WNT3A: variants seen among roughly 807,000 people sequenced by gnomAD.
WNT3A encodes the protein Wnt family member 3A, also known as protein Wnt-3a.
A neutral mutation model predicts 37.0 loss-of-function variants in WNT3A; 17 were observed. The observed-to-expected ratio is 0.46, with a 90% confidence interval of 0.31 to 0.69. The LOEUF (loss-of-function observed/expected upper bound fraction) is 0.69, where lower values mean the gene tolerates loss of function less well. Among genes scored for constraint, WNT3A ranks in the 30% least tolerant of loss-of-function variants. The pLI is 0.05. For missense variants in WNT3A, 411 were observed against 510.2 expected (o/e 0.81, Z 1.87); for synonymous variants, 187 against 211.0 (o/e 0.89, Z 0.99).
rs533085151 is a variant in WNT3A at position 228,039,667 on chromosome 1, A to G, written c.314-10989A>G. On this transcript the variant is annotated intron_variant, in intron 2 of 3. Coordinates refer to ENST00000284523, the MANE Select transcript of WNT3A (RefSeq NM_033131.4). The surrounding 1 kb of genome is among the most constrained non-coding windows in gnomAD (Gnocchi z 4.1). ...AGAATCACTGGAGACCCTTTAAGAT[A>G]TAGGTGCCCCCCACCCCAGTTGAAC... Among the ~76,000 whole-genome samples, 12 of 152,272 alleles carry G rather than the reference A, an allele frequency of 7.9e-5. No homozygotes were observed. The highest frequency in any genetic ancestry group is 2.6e-4 in the African/African-American group (11 of 41,558).
chr1:228,024,885 G>A (rs1000380136), intron 2 of WNT3A, among the ~76,000 whole-genome samples: 12 of 152,072 alleles, frequency 7.9e-5, no homozygotes, highest in African/African-American at 2.9e-4. Flanking sequence ...TACCTTCTAT[G>A]GAAAAAACTG....
At chr1:228,030,027 A>G (rs992599917) in intron 2 of WNT3A, among the ~76,000 whole-genome samples, 2 of 152,194 alleles carry the variant, frequency 1.3e-5, no homozygotes, top group African/African-American at 2.4e-5. Flanking sequence ...TGAGGCTACA[A>G]TGAGCCATGA....
chr1:228,059,313 G>T lies in WNT3A; in HGVS notation c.907G>T (p.Gly303Cys). 2 of 1,577,982 alleles carry T rather than the reference G, an allele frequency of 1.3e-6. No individual in the cohort carries two copies. Among genetic ancestry groups the T allele is most frequent in the South Asian group, 1.1e-5 (1 of 88,100 alleles). The change falls in exon 4 of 4, where the codon GGC becomes TGC. Residue 303 changes from glycine (G) to cysteine (C), a missense_variant. Transcript: ENST00000284523. ...RDRTCNVSSH[G>C]IDGCDLLCCG... ...CCGCACCTGCAACGTCAGCTCGCAC[G>T]GCATCGACGGCTGCGACCTGCTGTG...
intron 1 of WNT3A, among the ~76,000 whole-genome samples, chr1:228,021,040 T>C (rs773083301): frequency 9.9e-5 from 15 of 152,204 alleles, no homozygotes; most frequent in Admixed American, 1.3e-4. Flanking sequence ...AATTGAGGTG[T>C]ATTTTGTACA....
In WNT3A at chr1:228,031,119, C is replaced by T. The variant is rs1416300162; in HGVS notation, c.313+8211C>T. ...GCCCTCATCACGGGCCTGTGTTCTT[C>T]AGGCGTGGGGAAGGCACCGTGGGGC... On this transcript the variant is annotated intron_variant, in intron 2 of 3. Transcript: ENST00000284523. The surrounding 1 kb of genome is among the most constrained non-coding windows in gnomAD (Gnocchi z 4.8). Among the ~76,000 whole-genome samples the T allele has an allele frequency of 6.6e-6, 1 of 152,198 alleles. No individual in the cohort carries two copies. Among genetic ancestry groups the T allele is most frequent in the Admixed American group, 6.5e-5 (1 of 15,288 alleles).
intron 2 of WNT3A, among the ~76,000 whole-genome samples, chr1:228,034,308 T>G (rs1398207012): frequency 2.0e-5 from 3 of 152,152 alleles, no homozygotes; most frequent in Non-Finnish European, 4.4e-5. Flanking sequence ...ACACAAATGA[T>G]TTTTAATATA....
intron 1 of WNT3A, among the ~76,000 whole-genome samples, chr1:228,018,830 C>T (rs913675035): frequency 1.3e-5 from 2 of 152,242 alleles, no homozygotes; most frequent in African/African-American, 4.8e-5. Flanking sequence ...GCCAGCTTTC[C>T]ACCCTCCTCA....
In WNT3A at chr1:228,008,649, A is replaced by T. The variant is rs1332329315; in HGVS notation, c.71+1450A>T. On this transcript the variant is annotated intron_variant, in intron 1 of 3. Transcript: ENST00000284523. The surrounding 1 kb of genome is among the most constrained non-coding windows in gnomAD (Gnocchi z 4.9). ...TACTGACGCGCGTCCAGACGGCCGC[A>T]GGGAGCCAGGGGCAGCGCGTCCGTC... 6.6e-6 allele frequency among the ~76,000 whole-genome samples: 1 copy of T among 152,096 alleles called. No homozygotes were observed. Among genetic ancestry groups the T allele is most frequent in the Non-Finnish European group, 1.5e-5 (1 of 67,988 alleles).
At chr1:228,040,547 G>A (rs1321429173) in intron 2 of WNT3A, among the ~76,000 whole-genome samples, 3 of 152,124 alleles carry the variant, frequency 2.0e-5, no homozygotes, top group Non-Finnish European at 2.9e-5. Flanking sequence ...TGAAAGACAA[G>A]GATTTTGGAA....
rs759291462 is a variant in WNT3A at position 228,058,982 on chromosome 1, G to T, written c.580-4G>T. ...TGACGCTGGCTCCTGCGCGTGCCCCGCAGGCCATCGCCAGCCACATGCACC... is the reference window on the plus strand; with the variant it reads ...TGACGCTGGCTCCTGCGCGTGCCCCTCAGGCCATCGCCAGCCACATGCACC... On this transcript the variant is annotated splice_polypyrimidine_tract_variant and splice_region_variant and intron_variant, in intron 3 of 3. Coordinates refer to ENST00000284523, the MANE Select transcript of WNT3A (RefSeq NM_033131.4). The T allele has an allele frequency of 1.2e-6, 2 of 1,605,216 alleles. No individual in the cohort carries two copies. Among genetic ancestry groups the T allele is most frequent in the African/African-American group, 1.3e-5 (1 of 74,810 alleles).
intron 2 of WNT3A, among the ~76,000 whole-genome samples, chr1:228,044,108 A>C (rs2031348096): frequency 6.6e-6 from 1 of 152,136 alleles, no homozygotes; most frequent in Non-Finnish European, 1.5e-5. Flanking sequence ...CAGCGTCCCA[A>C]GTAGCTAGGA....
At chr1:228,014,426 G>A (rs985872062) in intron 1 of WNT3A, among the ~76,000 whole-genome samples, 4 of 152,204 alleles carry the variant, frequency 2.6e-5, no homozygotes, top group Admixed American at 6.5e-5. Context: ...GCACAGAGCC[G>A]TGCCCTTGGT....
intron 1 of WNT3A, 46 bp from the exon 2 acceptor site, chr1:228,022,621 T>A (rs1293841349): frequency 6.3e-7 from 1 of 1,580,446 alleles, no homozygotes; most frequent in Non-Finnish European, 8.6e-7. Flanking sequence ...CTCATCTGTG[T>A]CGCTGTCCCA....
Position 228,050,868 on chromosome 1 carries a change from C to T in WNT3A, c.526C>T (p.Arg176Trp), listed in dbSNP as rs755786376. The T allele has an allele frequency of 5.7e-6, 9 of 1,585,240 alleles. No individual in the cohort carries two copies. The South Asian group carries it at 6.8e-5, about 12-fold the overall frequency. The change falls in exon 3 of 4, where the codon CGG becomes TGG. Residue 176 changes from arginine (R) to tryptophan (W), a missense_variant. By Grantham distance (101) the Arg-to-Trp change is moderately radical. Coordinates refer to ENST00000284523, the MANE Select transcript of WNT3A (RefSeq NM_033131.4). This position sits in a 1 kb window ranked among gnomAD's most constrained non-coding sequence, Gnocchi z 5.0. The stretch of plus-strand genomic sequence containing the variant: ...GGAGTTCGCCGACGCCCGGGAGAAC[C>T]GGCCAGATGCCCGCTCAGCCATGAA... Reference protein sequence around the residue: ...SREFADARENRPDARSAMNRH... With the variant: ...SREFADARENWPDARSAMNRH...
chr1:228,045,761 G>T (rs995328972), intron 2 of WNT3A, among the ~76,000 whole-genome samples: 1 of 152,226 alleles, frequency 6.6e-6, no homozygotes, highest in Non-Finnish European at 1.5e-5. Context: ...AAAGGAAACA[G>T]CGGAGGTTGC....
chr1:228,040,433 T>C (rs752915696), intron 2 of WNT3A, among the ~76,000 whole-genome samples: 10 of 152,152 alleles, frequency 6.6e-5, no homozygotes, highest in Non-Finnish European at 1.2e-4. Context: ...CACCTCCCCA[T>C]GGTAAGGTCA....
rs776037564 is a variant in WNT3A at position 228,059,448 on chromosome 1, G to T, written c.1042G>T (p.Val348Leu). 1 of 1,519,420 alleles carries T rather than the reference G, an allele frequency of 6.6e-7. No individual in the cohort carries two copies. The highest frequency in any genetic ancestry group is 1.3e-5 in the South Asian group (1 of 77,474). The allele number at this position is 1,519,420 out of a possible 1,614,324, so 94.1% of individuals were successfully genotyped here. A position where few individuals can be genotyped will look rare whatever the true frequency, so the allele number is the denominator to read the frequency against. The change falls in exon 4 of 4, where the codon GTG becomes TTG. Residue 348 changes from valine (V) to leucine (L), a missense_variant. Physicochemically the swap from Val to Leu is conservative, Grantham distance 32. Transcript: ENST00000284523. ...SCQECTRVYD[V>L]HTCK ...CCAGGAGTGCACGCGCGTCTACGAC[G>T]TGCACACCTGCAAGTAGGCACCGGC...
In WNT3A at chr1:228,060,664, T is replaced by C; in HGVS notation, c.*1199T>C. On this transcript the variant is annotated 3_prime_UTR_variant, in exon 4 of 4. Coordinates refer to ENST00000284523, the MANE Select transcript of WNT3A (RefSeq NM_033131.4). ...TGCTCTGCTCAGCTGCGCCCCCTTC[T>C]TTGCAGCTGCCCAGCCCCTCCTCCC... 1 of 168,014 alleles carries C rather than the reference T, an allele frequency of 6.0e-6. No homozygotes were observed. The highest frequency in any genetic ancestry group is 1.3e-5 in the Non-Finnish European group (1 of 76,792). The allele number at this position is 168,014 out of a possible 1,614,324, so 10.4% of individuals were successfully genotyped here.
chr1:228,025,436 C>A (rs958569414), intron 2 of WNT3A, among the ~76,000 whole-genome samples: 17 of 152,088 alleles, frequency 1.1e-4, no homozygotes, highest in Admixed American at 2.6e-4. Flanking sequence ...GCAGCCTTGA[C>A]CTTCCAGGTT....
Sources: gnomAD v4.1 joint callset for allele counts (sites outside exome capture counted in the v4.1 genomes callset) on GRCh38, gnomAD v4.1.1 for gene constraint, Gnocchi (gnomAD v3.1) non-coding constraint, MANE v1.5 for transcripts, NCBI Gene and HGNC (gene_info 2026-07-23, HGNC 2026-07-21) for gene names.